BRD7: variants seen among roughly 807,000 people sequenced by gnomAD.
BRD7 encodes bromodomain-containing protein 7.
BRD7 carries 15 observed loss-of-function variants against 82.1 expected under a neutral mutation model. The ratio of observed to expected loss-of-function variants is 0.18; its 90% CI spans 0.12 to 0.28. The LOEUF is 0.28. BRD7 is among the 10% of genes least tolerant of loss of function. The pLI, the probability that BRD7 is intolerant of heterozygous loss-of-function variation, is 1.00. For synonymous variants in BRD7, 232 were observed against 266.9 expected (o/e 0.87, Z 1.27); for missense variants, 638 against 779.9 (o/e 0.82, Z 2.17).
At chr16:50,334,329 C>T (rs548696749) in intron 7 of BRD7, among the ~76,000 whole-genome samples, 3 of 152,326 alleles carry the variant, frequency 2.0e-5, no homozygotes, top group East Asian at 3.9e-4. Context: ...CTGCTTAAGA[C>T]GCAGCAGTGC....
intron 5 of BRD7, among the ~76,000 whole-genome samples, chr16:50,342,355 C>T (rs1197994603): frequency 6.6e-6 from 1 of 151,828 alleles, no homozygotes; most frequent in Non-Finnish European, 1.5e-5. Flanking sequence ...TGGAATATTA[C>T]CTATAAACTC....
At chr16:50,350,896 T>C (rs966470352) in intron 4 of BRD7, among the ~76,000 whole-genome samples, 37 of 152,156 alleles carry the variant, frequency 2.4e-4, no homozygotes, top group African/African-American at 8.4e-4. Flanking sequence ...CCAGAAGCTC[T>C]TGGGGAAGAA....
At chr16:50,337,058 G>C (rs920380682) in intron 6 of BRD7, among the ~76,000 whole-genome samples, 24 of 152,124 alleles carry the variant, frequency 1.6e-4, no homozygotes, top group Non-Finnish European at 1.5e-5. Flanking sequence ...ACAGGAAAAA[G>C]GCTGACAAAG....
At chr16:50,360,115 C>T (rs7194399) in intron 2 of BRD7, among the ~76,000 whole-genome samples, 22,637 of 152,224 alleles carry the variant, frequency 0.15, 2,130 homozygotes, top group Non-Finnish European at 0.21. Context: ...ATTCACTCAA[C>T]AAATGACATT....
rs1035822986 is a variant in BRD7, at chr16:50,325,677, C to G, written c.1331+71G>C. ...TTACTACTCGGCCAGCTTTGTCAGT[C>G]TATCCACAAATCATGTATGTACTTT... On this transcript the variant is annotated intron_variant, in intron 11 of 16. Transcript: ENST00000394688. The G allele has an allele frequency of 7.1e-6, 10 of 1,399,822 alleles. No individual in the cohort carries two copies. The African/African-American group carries it at 1.3e-4, about 18-fold the overall frequency. The allele number at this position is 1,399,822 out of a possible 1,614,324, so 86.7% of individuals were successfully genotyped here. A position where few individuals can be genotyped will look rare whatever the true frequency, so the allele number is the denominator to read the frequency against.
intron 2 of BRD7, among the ~76,000 whole-genome samples, chr16:50,367,053 A>G: frequency 6.6e-6 from 1 of 152,248 alleles, no homozygotes; most frequent in East Asian, 1.9e-4. Flanking sequence ...AAGATCTCTA[A>G]GACTTGGTGA....
At position 50,334,813 on chromosome 16, in the gene BRD7, G is replaced by A. The variant is rs775573449; in HGVS notation, c.785C>T (p.Thr262Ile). ...KTRKQKDGTD[T>I]SQSGEDGGCW... ...GCCTCCGTCCTCCCCACTCTGTGAG[G>A]TGTCTGTTCCATCTTTCTGCTTTCG... is the stretch of plus-strand genomic sequence containing the variant. Residue 262 changes from threonine (T) to isoleucine (I), a missense_variant, in exon 7 of 17, where the codon ACC becomes ATC. By Grantham distance (89) the Thr-to-Ile change is moderately conservative. Transcript: ENST00000394688. The A allele has an allele frequency of 7.4e-6, 12 of 1,614,006 alleles. No homozygotes were observed. In the Admixed American group the frequency reaches 1.7e-4, roughly 22 times the overall value.
intron 5 of BRD7, among the ~76,000 whole-genome samples, chr16:50,340,748 T>C (rs2038012634): frequency 6.6e-6 from 1 of 152,146 alleles, no homozygotes; most frequent in Admixed American, 6.5e-5. Context: ...AGTAGCCAAA[T>C]TACCAAAACT....
At chr16:50,322,081 A>T in intron 12 of BRD7, 43 bp from the exon 13 acceptor site, 1 of 1,485,880 alleles carries the variant, frequency 6.7e-7, no homozygotes, top group African/African-American at 1.4e-5. Context: ...AAACACATGA[A>T]GGCGAATATC....
chr16:50,353,614 G>A (rs1388067172), intron 4 of BRD7, among the ~76,000 whole-genome samples: 5 of 151,720 alleles, frequency 3.3e-5, no homozygotes, highest in Non-Finnish European at 2.9e-5. Flanking sequence ...TATTTTTTGA[G>A]ACGGAATCTT....
chr16:50,335,405 T>G (rs778540832), intron 6 of BRD7, among the ~76,000 whole-genome samples: 17 of 152,230 alleles, frequency 1.1e-4, no homozygotes, highest in Non-Finnish European at 2.4e-4. Context: ...AGACAGTTGG[T>G]GGCACAGTTC....
chr16:50,365,882 T>C (rs1332612111), intron 2 of BRD7, among the ~76,000 whole-genome samples: 2 of 145,662 alleles, frequency 1.4e-5, no homozygotes, highest in Non-Finnish European at 3.0e-5. Context: ...AAAGAAAAAA[T>C]GGAGGGAAAG....
At chr16:50,363,556 ATATAGT>A (rs1394854644) in intron 2 of BRD7, among the ~76,000 whole-genome samples, 2 of 152,184 alleles carry the variant, frequency 1.3e-5, no homozygotes, top group African/African-American at 4.8e-5. Flanking sequence ...TTTTAAACTA[ATATAGT>A]TAGAGCCTTC....
At chr16:50,332,829 C>T (rs1422249359) in intron 8 of BRD7, among the ~76,000 whole-genome samples, 1 of 152,170 alleles carries the variant, frequency 6.6e-6, no homozygotes, top group African/African-American at 2.4e-5. Context: ...ATGTCCCCTG[C>T]AACGACATGG....
chr16:50,349,736 C>A, intron 5 of BRD7: 1 of 396,480 alleles, frequency 2.5e-6, no homozygotes, highest in Middle Eastern at 3.7e-4. Flanking sequence ...TTGATCTAAG[C>A]TAAAAATTTC....
At chr16:50,356,948 T>C (rs2038759428) in intron 2 of BRD7, among the ~76,000 whole-genome samples, 1 of 152,260 alleles carries the variant, frequency 6.6e-6, no homozygotes, top group Non-Finnish European at 1.5e-5. Flanking sequence ...GCTATTTTCT[T>C]GGCCTATGCC....
At chr16:50,337,695 T>C (rs1318194052) in intron 6 of BRD7, among the ~76,000 whole-genome samples, 2 of 152,164 alleles carry the variant, frequency 1.3e-5, no homozygotes, top group African/African-American at 4.8e-5. Context: ...AAAGACACCA[T>C]TCACGGAAGG....
rs377608352 is a variant in BRD7, at chr16:50,322,084, C to T, written c.1444-46G>A. On this transcript the variant is annotated intron_variant, in intron 12 of 16. Transcript: ENST00000394688. The stretch of plus-strand genomic sequence containing the variant: ...AGCTTTTTAGGAAAACACATGAAGG[C>T]GAATATCAAGGAAAAGAGAAAACTG... 12 of 1,466,060 alleles carry T rather than the reference C, an allele frequency of 8.2e-6. No homozygotes were observed. In the African/African-American group the frequency reaches 1.1e-4, roughly 14 times the overall value. The allele number at this position is 1,466,060 out of a possible 1,614,324, so 90.8% of individuals were successfully genotyped here.
At chr16:50,349,547 A>G (rs1567280162) in intron 5 of BRD7, 1 of 469,446 alleles carries the variant, frequency 2.1e-6, no homozygotes, top group Non-Finnish European at 4.4e-6. Context: ...CTCTCCAGCC[A>G]TGTGTCCTGT....
Sources: gnomAD v4.1 joint callset for allele counts (sites outside exome capture counted in the v4.1 genomes callset) on GRCh38, gnomAD v4.1.1 for gene constraint, MANE v1.5 for transcripts, NCBI Gene and HGNC (gene_info 2026-07-23, HGNC 2026-07-21) for gene names.